SPTBN1: variants seen among roughly 807,000 people sequenced by gnomAD.
SPTBN1 encodes the protein spectrin beta, non-erythrocytic 1, also known as spectrin beta chain, non-erythrocytic 1.
In SPTBN1, 32 loss-of-function variants were observed where a neutral mutation model predicts 266.4. The observed-to-expected ratio is 0.12, with a 90% CI of 0.09 to 0.16. The LOEUF (loss-of-function observed/expected upper bound fraction) is 0.16. Among genes scored for constraint, SPTBN1 ranks in the 10% least tolerant of loss-of-function variants. The probability of loss-of-function intolerance (pLI) is 1.00; values close to 1 mark genes in which losing one functional copy is unlikely to be tolerated. For missense variants in SPTBN1, 2,296 were observed against 3,067.1 expected, an observed-to-expected ratio of 0.75 and a Z score of 5.94; for synonymous variants, 1,336 against 1,162.2, an observed-to-expected ratio of 1.15 and a Z score of -3.04.
At position 54,628,317 on chromosome 2, in the gene SPTBN1, G is replaced by A. The variant is rs17046036; in HGVS notation, c.1798+67G>A. On this transcript the variant is annotated intron_variant, in intron 13 of 35. Transcript: ENST00000356805. This position sits in a 1 kb window ranked among gnomAD's most constrained non-coding sequence, Gnocchi z 4.3. ...AGATTCATATTTATAGAAACACAGTGGGGCTTTTGAAGTTACTGTGCCACT... is the reference window on the plus strand; with the variant it reads ...AGATTCATATTTATAGAAACACAGTAGGGCTTTTGAAGTTACTGTGCCACT... 247,653 of 1,498,240 alleles carry A rather than the reference G, an allele frequency of 0.17. 21,500 individuals carry two copies. The highest frequency in any genetic ancestry group is 0.18 in the Non-Finnish European group (205,275 of 1,123,128). The allele number at this position is 1,498,240 out of a possible 1,614,324, so 92.8% of individuals were successfully genotyped here.
rs146498804 is a variant in SPTBN1, at chr2:54,628,105, A to G, written c.1653A>G (p.Val551=). The G allele has an allele frequency of 4.2e-5, 68 of 1,611,974 alleles. No homozygotes were observed. The highest frequency in any genetic ancestry group is 5.3e-5 in the Non-Finnish European group (63 of 1,179,050). Residue 551 remains valine, a synonymous_variant, in exon 13 of 36, where the codon GTA becomes GTG. Coordinates refer to ENST00000356805, the MANE Select transcript of SPTBN1 (RefSeq NM_003128.3). This position sits in a 1 kb window ranked among gnomAD's most constrained non-coding sequence, Gnocchi z 4.3. ...MDWMDEMKVL[V]LSQDYGKHLL... is the part of the protein sequence containing the mutation. The stretch of plus-strand genomic sequence containing the variant: ...TTGCTTCTTGTGCACAGGTGCTAGT[A>G]TTGTCTCAAGACTATGGCAAACACT...
At chr2:54,647,998 G>GA (rs1415724115) in intron 24 of SPTBN1, among the ~76,000 whole-genome samples, 1 of 152,172 alleles carries the variant, frequency 6.6e-6, no homozygotes, top group African/African-American at 2.4e-5. Context: ...CCTGTAAAAT[G>GA]AAGGGGCTCC....
intron 1 of SPTBN1, among the ~76,000 whole-genome samples, chr2:54,508,429 G>T (rs571250787): frequency 6.6e-6 from 1 of 152,308 alleles, no homozygotes; most frequent in Admixed American, 6.5e-5. Context: ...AATTCTTGAG[G>T]AGTAGTAGAA....
chr2:54,625,747 C>T (rs1017891016), intron 11 of SPTBN1, among the ~76,000 whole-genome samples, 185 bp from the exon 12 acceptor site: 5 of 152,050 alleles, frequency 3.3e-5, no homozygotes, highest in African/African-American at 7.2e-5. Flanking sequence ...CGTGCCACCA[C>T]GCCCGGCTAA....
chr2:54,664,893 G>A lies in SPTBN1; in HGVS notation c.6659+202G>A. ...TATTCACTGAGAGAAGAAGAGTTGA[G>A]TTTGGATGGGAGTAGCTAGAAGGGG... On this transcript the variant is annotated intron_variant, in intron 33 of 35. Coordinates refer to ENST00000356805, the MANE Select transcript of SPTBN1 (RefSeq NM_003128.3). The surrounding 1 kb of genome is among the most constrained non-coding windows in gnomAD (Gnocchi z 5.6). 1.7e-6 allele frequency: 1 copy of A among 593,848 alleles called. No homozygotes were observed. The allele number at this position is 593,848 out of a possible 1,614,324, so 36.8% of individuals were successfully genotyped here.
intron 1 of SPTBN1, among the ~76,000 whole-genome samples, chr2:54,481,246 C>G (rs928936665): frequency 3.3e-5 from 5 of 151,822 alleles, no homozygotes; most frequent in African/African-American, 9.7e-5. Flanking sequence ...ATCTCTCTTG[C>G]TGTTTTTGAT....
chr2:54,481,391 A>AGAGTGTGTGTGT (rs1455743105), intron 1 of SPTBN1, among the ~76,000 whole-genome samples: 9 of 117,338 alleles, frequency 7.7e-5, no homozygotes, highest in African/African-American at 3.1e-4. Context: ...CAGAAACCTG[A>AGAGTGTGTGTGT]GTGTGTGTGT....
intron 34 of SPTBN1, 82 bp from the exon 35 acceptor site, chr2:54,667,522 G>T: frequency 1.5e-6 from 2 of 1,366,422 alleles, no homozygotes; most frequent in African/African-American, 2.9e-5. Flanking sequence ...GTCTACTTCT[G>T]TCCTGCATGG....
rs918941545 is a variant in SPTBN1 at position 54,533,256 on chromosome 2, C to A, written c.148+6690C>A. ...CATGCAATTTAAAACGTATGAATTG[C>A]CTATTTCTTCAGTTTTTCATTTCAT... On this transcript the variant is annotated intron_variant, in intron 2 of 35. Coordinates refer to ENST00000356805, the MANE Select transcript of SPTBN1 (RefSeq NM_003128.3). The surrounding 1 kb of genome is among the most constrained non-coding windows in gnomAD (Gnocchi z 4.2). Among the ~76,000 whole-genome samples, 1 of 151,596 alleles carries A rather than the reference C, an allele frequency of 6.6e-6. No homozygotes were observed. The highest frequency in any genetic ancestry group is 6.6e-5 in the Admixed American group (1 of 15,220).
chr2:54,494,485 C>T (rs927249276), intron 1 of SPTBN1, among the ~76,000 whole-genome samples: 1 of 152,176 alleles, frequency 6.6e-6, no homozygotes, highest in African/African-American at 2.4e-5. Flanking sequence ...AAACTGGAAA[C>T]AACCTACATG....
chr2:54,543,950 T>C (rs1469671558), intron 2 of SPTBN1, among the ~76,000 whole-genome samples: 1 of 152,204 alleles, frequency 6.6e-6, no homozygotes, highest in Admixed American at 6.5e-5. Flanking sequence ...TTAGCTTTAG[T>C]GCTCTGTTCC....
intron 2 of SPTBN1, among the ~76,000 whole-genome samples, chr2:54,560,753 G>C (rs542861310): frequency 2.5e-4 from 38 of 152,284 alleles, no homozygotes; most frequent in African/African-American, 8.9e-4. Context: ...CACAAGTTTA[G>C]TGTTGGTATT....
At chr2:54,481,409 TG>T (rs1558763899) in intron 1 of SPTBN1, among the ~76,000 whole-genome samples, 1 of 94,436 alleles carries the variant, frequency 1.1e-5, no homozygotes, top group Non-Finnish European at 2.3e-5. Context: ...TGTGTGTGTG[TG>T]TGTGTGTGTG....
chr2:54,576,345 C>T (rs538964784), intron 2 of SPTBN1, among the ~76,000 whole-genome samples: 2 of 152,236 alleles, frequency 1.3e-5, no homozygotes, highest in South Asian at 2.1e-4. Context: ...TGAGCCACCG[C>T]GCCCGGCCTT....
In SPTBN1 at chr2:54,558,153, G is replaced by A. The variant is rs1382543220; in HGVS notation, c.148+31587G>A. 1 of 985,270 alleles carries A rather than the reference G, an allele frequency of 1.0e-6. No individual in the cohort carries two copies. The highest frequency in any genetic ancestry group is 1.1e-4 in the East Asian group (1 of 8,826). 61.0% of individuals were successfully genotyped at this position (985,270 alleles called of 1,614,324 possible). On this transcript the variant is annotated intron_variant, in intron 2 of 35. Transcript: ENST00000356805. The surrounding 1 kb of genome is among the most constrained non-coding windows in gnomAD (Gnocchi z 4.6). ...CAGCTCTGTTTGGGAAGGCACTACCGCGGCGAGTCCAGGGCCCGGCCGGGG... is the reference window on the plus strand; with the variant it reads ...CAGCTCTGTTTGGGAAGGCACTACCACGGCGAGTCCAGGGCCCGGCCGGGG...
chr2:54,582,391 C>G (rs1674991493), intron 2 of SPTBN1, among the ~76,000 whole-genome samples: 1 of 151,794 alleles, frequency 6.6e-6, no homozygotes, highest in Non-Finnish European at 1.5e-5. Context: ...GAGAGAAGCA[C>G]CCTCCATTTA....
rs1339145919 is a variant in SPTBN1 at position 54,631,331 on chromosome 2, C to T, written c.3284C>T (p.Thr1095Ile). The T allele has an allele frequency of 1.9e-6, 3 of 1,614,134 alleles. No individual in the cohort carries two copies. Among genetic ancestry groups the T allele is most frequent in the African/African-American group, 2.7e-5 (2 of 74,946 alleles). ...IASEDMPNTL[T>I]EAEKLLTQHE... The stretch of plus-strand genomic sequence containing the variant: ...TCGGAGGACATGCCAAACACCCTGA[C>T]CGAGGCTGAGAAGCTGCTCACGCAG... The change falls in exon 16 of 36, where the codon ACC becomes ATC. Residue 1095 changes from threonine to isoleucine, a missense_variant. Coordinates refer to ENST00000356805, the MANE Select transcript of SPTBN1 (RefSeq NM_003128.3).
At chr2:54,471,800 A>ATTTTTTTTTTGTTTTTTTTTTT (rs1693934279) in intron 1 of SPTBN1, among the ~76,000 whole-genome samples, 1 of 102,716 alleles carries the variant, frequency 9.7e-6, no homozygotes, top group Non-Finnish European at 1.9e-5. Flanking sequence ...TTTTTTATCG[A>ATTTTTTTTTTGTTTTTTTTTTT]TTTTTTTTTT....
chr2:54,546,143 T>A (rs1672224513), intron 2 of SPTBN1, among the ~76,000 whole-genome samples: 1 of 152,220 alleles, frequency 6.6e-6, no homozygotes, highest in Non-Finnish European at 1.5e-5. Context: ...ATTTTTGCCA[T>A]TTGCCCTTCC....
Sources: gnomAD v4.1 joint callset for allele counts (sites outside exome capture counted in the v4.1 genomes callset) on GRCh38, gnomAD v4.1.1 for gene constraint, Gnocchi (gnomAD v3.1) non-coding constraint, MANE v1.5 for transcripts, NCBI Gene and HGNC (gene_info 2026-07-23, HGNC 2026-07-21) for gene names.